The following GPC5 variants were observed in gnomAD, a reference collection of about 807,000 sequenced individuals.
GPC5 encodes the protein glypican 5, also known as glypican-5.
Under a neutral mutation model 53.9 loss-of-function variants are expected in GPC5, and 47 were observed. The observed-to-expected ratio is 0.87, with a 90% CI of 0.69 to 1.11. GPC5 has a LOEUF of 1.11. Ranked by LOEUF, GPC5 falls within the 50% of genes most tolerant of loss-of-function variation. The pLI is 0.00. For missense variants in GPC5, 748 were observed against 713.1 expected (o/e 1.05, Z -0.56); for synonymous variants, 286 against 263.3 (o/e 1.09, Z -0.84).
At chr13:91,824,915 C>CA (rs2038552479) in intron 5 of GPC5, among the ~76,000 whole-genome samples, 1 of 152,020 alleles carries the variant, frequency 6.6e-6, no homozygotes, top group Admixed American at 6.6e-5. Context: ...ATTCTGACTG[C>CA]AATTTTATGT....
At chr13:91,940,893 C>T (rs1000847979) in intron 6 of GPC5, among the ~76,000 whole-genome samples, 1 of 151,824 alleles carries the variant, frequency 6.6e-6, no homozygotes, top group African/African-American at 2.4e-5. Flanking sequence ...GGATATTATA[C>T]TTTTGTTGGA....
chr13:92,082,904 A>G (rs1396610066), intron 6 of GPC5, among the ~76,000 whole-genome samples: 1 of 152,174 alleles, frequency 6.6e-6, no homozygotes, highest in Non-Finnish European at 1.5e-5. Context: ...CAGTACAGAG[A>G]TGTGTCTACC....
intron 2 of GPC5, among the ~76,000 whole-genome samples, chr13:91,559,560 A>G (rs1253859484): frequency 6.6e-6 from 1 of 152,196 alleles, no homozygotes. Flanking sequence ...AAGTTAGGTT[A>G]CTAATTGGGA....
chr13:92,752,548 G>C (rs555837134), intron 7 of GPC5, among the ~76,000 whole-genome samples: 2 of 152,100 alleles, frequency 1.3e-5, no homozygotes, highest in African/African-American at 4.8e-5. Flanking sequence ...CGCAGAAGAC[G>C]GGTGATTTCT....
intron 5 of GPC5, among the ~76,000 whole-genome samples, chr13:91,823,934 C>T (rs1200054394): frequency 6.6e-6 from 1 of 151,942 alleles, no homozygotes; most frequent in Non-Finnish European, 1.5e-5. Flanking sequence ...ATGGCTGAAC[C>T]ACTTTGAAAT....
intron 5 of GPC5, among the ~76,000 whole-genome samples, chr13:91,787,595 G>A (rs2037899305): frequency 1.3e-5 from 2 of 152,276 alleles, no homozygotes; most frequent in Admixed American, 6.5e-5. Flanking sequence ...CAACATCGCT[G>A]ATTGGGATGT....
At chr13:91,937,207 G>A (rs1290211784) in intron 6 of GPC5, among the ~76,000 whole-genome samples, 1 of 152,048 alleles carries the variant, frequency 6.6e-6, no homozygotes, top group Non-Finnish European at 1.5e-5. Context: ...ATGTAAAGGT[G>A]TCCCATTAGC....
chr13:92,218,763 G>T (rs1326121238), intron 7 of GPC5, among the ~76,000 whole-genome samples: 2 of 152,092 alleles, frequency 1.3e-5, no homozygotes, highest in African/African-American at 4.8e-5. Context: ...CACAGATAAC[G>T]GCTGAAGCCA....
chr13:92,197,716 A>G (rs571843543), intron 7 of GPC5, among the ~76,000 whole-genome samples: 11 of 148,426 alleles, frequency 7.4e-5, no homozygotes, highest in African/African-American at 2.5e-4. Context: ...GGGCTTTGCC[A>G]TGTTTCCCAG....
intron 3 of GPC5, among the ~76,000 whole-genome samples, chr13:91,727,503 A>G (rs144905171): frequency 3.3e-4 from 51 of 152,312 alleles, no homozygotes; most frequent in African/African-American, 1.2e-3. Context: ...TCCCTATTAT[A>G]ACATTTAATA....
intron 7 of GPC5, among the ~76,000 whole-genome samples, chr13:92,550,932 A>G (rs746199719): frequency 3.9e-5 from 6 of 152,020 alleles, no homozygotes; most frequent in South Asian, 2.1e-4. Flanking sequence ...AGAAAAAGCC[A>G]AAGGATTAAT....
Position 92,368,634 on chromosome 13 carries a change from TAAAA to T in GPC5, c.1561+223668_1561+223671del, listed in dbSNP as rs34793615. Among the ~76,000 whole-genome samples, 73 of 66,354 alleles carry T rather than the reference TAAAA, an allele frequency of 1.1e-3. No homozygotes were observed. In the Middle Eastern group the frequency reaches 0.037, roughly 34 times the overall value. 43.5% of individuals were successfully genotyped at this position (66,354 alleles called of 152,430 possible). A position where few individuals can be genotyped will look rare whatever the true frequency, so the allele number is the denominator to read the frequency against. The stretch of plus-strand genomic sequence containing the variant: ...CCTGGGTGATAGAGCAAGACTGTCT[TAAAA>T]AAAAAAAAAAAAAAAAAAAAAACCT... On this transcript the variant is annotated intron_variant, in intron 7 of 7. Transcript: ENST00000377067.
chr13:91,492,606 G>A (rs1884002397), intron 2 of GPC5, among the ~76,000 whole-genome samples: 1 of 152,126 alleles, frequency 6.6e-6, no homozygotes, highest in African/African-American at 2.4e-5. Flanking sequence ...CACACATTGT[G>A]GAGTACCAGC....
intron 2 of GPC5, among the ~76,000 whole-genome samples, chr13:91,615,391 A>G (rs2139332641): frequency 6.6e-6 from 1 of 152,334 alleles, no homozygotes; most frequent in African/African-American, 2.4e-5. Context: ...GAAGTTGCAC[A>G]TATTGTTTTC....
At chr13:91,414,458 T>G (rs937208982) in intron 1 of GPC5, among the ~76,000 whole-genome samples, 3 of 152,192 alleles carry the variant, frequency 2.0e-5, no homozygotes, top group Admixed American at 1.3e-4. Flanking sequence ...GTATGAAAAT[T>G]GACTAATACA....
intron 1 of GPC5, among the ~76,000 whole-genome samples, chr13:91,402,556 T>C (rs1024990528): frequency 7.9e-5 from 12 of 152,340 alleles, no homozygotes; most frequent in African/African-American, 2.2e-4. Flanking sequence ...TTCTGCTTCA[T>C]AGACAAATTA....
chr13:92,485,473 C>T (rs1173420542), intron 7 of GPC5, among the ~76,000 whole-genome samples: 1 of 151,962 alleles, frequency 6.6e-6, no homozygotes, highest in Non-Finnish European at 1.5e-5. Context: ...TTTAAGATAA[C>T]ATCACAAGTT....
intron 7 of GPC5, among the ~76,000 whole-genome samples, chr13:92,290,785 C>T (rs1014713924): frequency 6.6e-5 from 10 of 152,208 alleles, no homozygotes; most frequent in Admixed American, 3.3e-4. Context: ...CCCACTTTGG[C>T]GGCACTTGAG....
chr13:92,416,927 A>T (rs1876328260), intron 7 of GPC5, among the ~76,000 whole-genome samples: 1 of 152,224 alleles, frequency 6.6e-6, no homozygotes, highest in East Asian at 1.9e-4. Flanking sequence ...GTAAATACAG[A>T]TGTAAACTTG....
Sources: gnomAD v4.1 joint callset for allele counts (sites outside exome capture counted in the v4.1 genomes callset) on GRCh38, gnomAD v4.1.1 for gene constraint, MANE v1.5 for transcripts, NCBI Gene and HGNC (gene_info 2026-07-23, HGNC 2026-07-21) for gene names.